The following NEDD4L variants were observed in gnomAD, a reference collection of about 807,000 sequenced individuals.
The protein encoded by NEDD4L is E3 ubiquitin-protein ligase NEDD4-like.
NEDD4L carries 54 observed loss-of-function variants against 148.9 expected under a neutral mutation model. The ratio of observed to expected loss-of-function variants is 0.36; its 90% CI spans 0.29 to 0.45. NEDD4L has a LOEUF of 0.45. Ranked by LOEUF, NEDD4L falls within the 20% of genes least tolerant of loss-of-function variation. NEDD4L has a pLI of 1.00. For missense variants in NEDD4L, 856 were observed against 1,233.8 expected (o/e 0.69, Z 4.59); for synonymous variants, 433 against 440.7 (o/e 0.98, Z 0.22).
intron 23 of NEDD4L, 135 bp from the exon 24 acceptor site, chr18:58,373,039 G>A (rs942013122): frequency 1.1e-5 from 7 of 620,712 alleles, no homozygotes; most frequent in Non-Finnish European, 2.1e-5. Flanking sequence ...TTTAGGTGGA[G>A]CAGGAAACAT....
chr18:58,118,314 C>T (rs542600595), intron 1 of NEDD4L, among the ~76,000 whole-genome samples: 3 of 152,312 alleles, frequency 2.0e-5, no homozygotes, highest in East Asian at 1.9e-4. Context: ...ATGCCTGTGA[C>T]GTGAGGCTGT....
Position 58,373,507 on chromosome 18 carries a change from C to T in NEDD4L, c.2352+238C>T, listed in dbSNP as rs567400225. ...TTCCAAGAGGCCTTGGGGCATGAAC[C>T]AGCACCTCTTCTAATCCAAAGCAAA... On this transcript the variant is annotated intron_variant, in intron 24 of 30. Transcript: ENST00000400345. 1.3e-4 allele frequency among the ~76,000 whole-genome samples: 20 copies of T among 152,318 alleles called. No individual in the cohort carries two copies. In the South Asian group the frequency reaches 3.3e-3, roughly 25 times the overall value.
In NEDD4L at chr18:58,373,282, A is replaced by T; in HGVS notation, c.2352+13A>T. 6.8e-7 allele frequency: 1 copy of T among 1,475,046 alleles called. No homozygotes were observed. The highest frequency in any genetic ancestry group is 9.3e-7 in the Non-Finnish European group (1 of 1,070,836). The allele number at this position is 1,475,046 out of a possible 1,614,324, so 91.4% of individuals were successfully genotyped here. ...AAACTTTGGACAGGTACATGTGGGT[A>T]ACCCTGGGAACTCTTCTTTAGCTTT... On this transcript the variant is annotated intron_variant, in intron 24 of 30. Transcript: ENST00000400345.
intron 1 of NEDD4L, among the ~76,000 whole-genome samples, chr18:58,101,014 C>G (rs1599274384): frequency 6.6e-6 from 1 of 152,110 alleles, no homozygotes; most frequent in African/African-American, 2.4e-5. Context: ...CTGGCTTGCC[C>G]AGGCTGGTTT....
At chr18:58,321,646 A>C (rs146501985) in intron 6 of NEDD4L, among the ~76,000 whole-genome samples, 1 of 152,378 alleles carries the variant, frequency 6.6e-6, no homozygotes, top group African/African-American at 2.4e-5. Context: ...ATGCACGCGC[A>C]CACAAACCTG....
rs115127573 is a variant in NEDD4L at position 58,334,981 on chromosome 18, G to A, written c.1066-497G>A. Among the ~76,000 whole-genome samples the A allele has an allele frequency of 2.6e-3, 394 of 152,216 alleles. 3 individuals are homozygous for A. The highest frequency in any genetic ancestry group is 9.0e-3 in the African/African-American group (374 of 41,518). ...CTGGTAGGATCCTTCTCAACCTCAT[G>A]ATCTGTGATTTTCCTTGAACGAATG... On this transcript the variant is annotated intron_variant, in intron 12 of 30. Transcript: ENST00000400345.
intron 1 of NEDD4L, among the ~76,000 whole-genome samples, chr18:58,108,059 A>C (rs2085182662): frequency 6.6e-6 from 1 of 152,206 alleles, no homozygotes; most frequent in South Asian, 2.1e-4. Flanking sequence ...GATCCTCAGA[A>C]TACGGAGATC....
chr18:58,284,006 A>G (rs2053556439), intron 5 of NEDD4L, among the ~76,000 whole-genome samples: 1 of 152,190 alleles, frequency 6.6e-6, no homozygotes, highest in Non-Finnish European at 1.5e-5. Flanking sequence ...GGGAACTCCA[A>G]AGATTGCTAG....
rs189387976 is a variant in NEDD4L, at chr18:58,251,345, G to A, written c.244-656G>A. On this transcript the variant is annotated intron_variant, in intron 4 of 30. Coordinates refer to ENST00000400345, the MANE Select transcript of NEDD4L (RefSeq NM_001144967.3). ...GTTCAAAACCAGCCTGGGGAACATG[G>A]TGAAACCTCATCTCTACAAAAAAAT... Among the ~76,000 whole-genome samples, 1,161 of 152,192 alleles carry A rather than the reference G, an allele frequency of 7.6e-3. 18 individuals are homozygous for A. The highest frequency in any genetic ancestry group is 0.027 in the African/African-American group (1,107 of 41,504).
At chr18:58,050,288 A>G (rs2081805941) in intron 1 of NEDD4L, among the ~76,000 whole-genome samples, 1 of 151,144 alleles carries the variant, frequency 6.6e-6, no homozygotes, top group Non-Finnish European at 1.5e-5. Flanking sequence ...CCCTGTCTCT[A>G]CAAAATAAAT....
At chr18:58,374,697 G>C (rs1411107699) in intron 24 of NEDD4L, among the ~76,000 whole-genome samples, 1 of 151,216 alleles carries the variant, frequency 6.6e-6, no homozygotes, top group Admixed American at 6.6e-5. Flanking sequence ...TCCCCCCAGA[G>C]ACACCTGCAA....
intron 26 of NEDD4L, 57 bp downstream of exon 26, chr18:58,385,643 G>A: frequency 7.2e-7 from 1 of 1,380,716 alleles, no homozygotes; most frequent in Non-Finnish European, 1.0e-6. Context: ...GGTCGATGGG[G>A]GATCGCGCTT....
chr18:58,095,270 G>A (rs1439280756), intron 1 of NEDD4L, among the ~76,000 whole-genome samples: 1 of 152,198 alleles, frequency 6.6e-6, no homozygotes, highest in Non-Finnish European at 1.5e-5. Context: ...GCAAAGAGGG[G>A]GGACATTTAT....
At chr18:58,051,405 TTGAG>T (rs1294866561) in intron 1 of NEDD4L, among the ~76,000 whole-genome samples, 1 of 152,246 alleles carries the variant, frequency 6.6e-6, no homozygotes, top group African/African-American at 2.4e-5. Flanking sequence ...TTAAGAATGA[TTGAG>T]TGTGACATTA....
In NEDD4L at chr18:58,341,162, T is replaced by C; in HGVS notation, c.1250T>C (p.Ile417Thr). ...CGAACCACAACTTGGACTCGACCTA[T>C]CATGCAGGTACGAAGATTGCCATCC... ...NNRTTTWTRPIMQLAEDGASG... is the reference protein window; with the variant it reads ...NNRTTTWTRPTMQLAEDGASG... The change falls in exon 14 of 31, where the codon ATC (isoleucine) becomes ACC (threonine). Residue 417 changes from isoleucine (I) to threonine (T), a missense_variant. Ile to Thr is a moderately conservative substitution (Grantham distance 89, BLOSUM62 -1). Coordinates refer to ENST00000400345, the MANE Select transcript of NEDD4L (RefSeq NM_001144967.3). The C allele has an allele frequency of 6.2e-7, 1 of 1,612,688 alleles. No individual in the cohort carries two copies.
At chr18:58,044,784 G>T in intron 1 of NEDD4L, 76 bp downstream of exon 1, 1 of 1,548,874 alleles carries the variant, frequency 6.5e-7, no homozygotes. Flanking sequence ...GGGGAAAGGG[G>T]CCGTCCCCGG....
intron 30 of NEDD4L, 37 bp downstream of exon 30, chr18:58,391,596 C>G: frequency 3.5e-6 from 5 of 1,419,744 alleles, no homozygotes; most frequent in Non-Finnish European, 4.9e-6. Context: ...AATGCAATAT[C>G]TGAACTGCTT....
rs538001894 is a variant in NEDD4L at position 58,191,818 on chromosome 18, A to G, written c.122+25957A>G. Among the ~76,000 whole-genome samples the G allele has an allele frequency of 2.2e-4, 33 of 152,244 alleles. No individual in the cohort carries two copies. In the South Asian group the frequency reaches 4.6e-3, roughly 21 times the overall value. On this transcript the variant is annotated intron_variant, in intron 2 of 30. Coordinates refer to ENST00000400345, the MANE Select transcript of NEDD4L (RefSeq NM_001144967.3). ...GCTTCAAGGGGAAGCAATCTGGGAAACTCCAATGCTGGGATTGGGATTCAA... is the reference window on the plus strand; with the variant it reads ...GCTTCAAGGGGAAGCAATCTGGGAAGCTCCAATGCTGGGATTGGGATTCAA...
chr18:58,206,953 C>G (rs2042044735), intron 2 of NEDD4L, among the ~76,000 whole-genome samples: 1 of 152,166 alleles, frequency 6.6e-6, no homozygotes, highest in African/African-American at 2.4e-5. Flanking sequence ...GTTCTCCCAC[C>G]CATCCTGTGC....
Sources: gnomAD v4.1 joint callset for allele counts (sites outside exome capture counted in the v4.1 genomes callset) on GRCh38, gnomAD v4.1.1 for gene constraint, MANE v1.5 for transcripts, NCBI Gene and HGNC (gene_info 2026-07-23, HGNC 2026-07-21) for gene names.